The following AP1AR variants were observed in gnomAD, a reference collection of about 807,000 sequenced individuals.
AP1AR encodes the protein adaptor related protein complex 1 associated regulatory protein.
A neutral mutation model predicts 46.3 loss-of-function variants in AP1AR; 29 were observed. The ratio of observed to expected loss-of-function variants is 0.63; its 90% CI spans 0.47 to 0.85. The LOEUF (loss-of-function observed/expected upper bound fraction) is 0.85, where lower values mean the gene tolerates loss of function less well. AP1AR is among the 40% of genes least tolerant of loss of function. AP1AR has a pLI of 0.00. For synonymous variants in AP1AR, 122 were observed against 122.9 expected (o/e 0.99, Z 0.05); for missense variants, 357 against 356.3 (o/e 1.00, Z -0.02).
chr4:112,254,884 A>T, intron 3 of AP1AR, 111 bp downstream of exon 3: 7 of 530,076 alleles, frequency 1.3e-5, no homozygotes, highest in Non-Finnish European at 1.8e-5. Flanking sequence ...TAGAATTTTT[A>T]TTTTCTGGTT....
intron 8 of AP1AR, 94 bp downstream of exon 8, chr4:112,265,901 C>A: frequency 1.3e-6 from 1 of 759,358 alleles, no homozygotes; most frequent in South Asian, 2.0e-5. Flanking sequence ...ACTTTCTGTT[C>A]TTAAATTTGT....
chr4:112,253,031 T>G (rs1237106868), intron 1 of AP1AR, among the ~76,000 whole-genome samples, 177 bp from the exon 2 acceptor site: 2 of 152,160 alleles, frequency 1.3e-5, no homozygotes, highest in Non-Finnish European at 2.9e-5. Context: ...ATAATGAAGT[T>G]TAAAAATCTG....
chr4:112,253,110 T>G (rs879802078), intron 1 of AP1AR, 98 bp from the exon 2 acceptor site: 37 of 848,726 alleles, frequency 4.4e-5, no homozygotes, highest in Non-Finnish European at 6.3e-5. Context: ...TTAGAGATTT[T>G]AAAGTTGCTC....
rs768332122 is a variant in AP1AR, at chr4:112,268,155, A to G, written c.655A>G (p.Met219Val). 1.3e-6 allele frequency: 2 copies of G among 1,564,020 alleles called. No homozygotes were observed. The highest frequency in any genetic ancestry group is 1.2e-5 in the South Asian group (1 of 82,608). Residue 219 changes from methionine to valine, a missense_variant, in exon 10 of 10, where the codon ATG becomes GTG. This residue lies in a region of AP1AR where 88 missense variants were observed against 132.7 expected (regional missense o/e 0.66). Transcript: ENST00000274000. ...TGTTCAAATCATAGGAATGAATAGA[A>G]TGCTTCCAATGAGAGAACGTTCCAA... Reference protein sequence around the residue: ...EWEDEEGMNRMLPMRERSKTE... With the variant: ...EWEDEEGMNRVLPMRERSKTE...
At chr4:112,249,885 C>T (rs1725880628) in intron 1 of AP1AR, among the ~76,000 whole-genome samples, 1 of 152,122 alleles carries the variant, frequency 6.6e-6, no homozygotes, top group South Asian at 2.1e-4. Flanking sequence ...GCATGAGGTA[C>T]TTTTCTTTCA....
At chr4:112,267,008 T>C (rs1351960827) in intron 9 of AP1AR, among the ~76,000 whole-genome samples, 1 of 151,882 alleles carries the variant, frequency 6.6e-6, no homozygotes, top group Admixed American at 6.6e-5. Flanking sequence ...TACCCCCTTG[T>C]GGACAGTCCA....
At chr4:112,263,552 A>G (rs1726546106) in intron 6 of AP1AR, among the ~76,000 whole-genome samples, 1 of 151,506 alleles carries the variant, frequency 6.6e-6, no homozygotes, top group Non-Finnish European at 1.5e-5. Context: ...CCATAAAATT[A>G]TTACTTGCTT....
Position 112,253,260 on chromosome 4 carries a change from AG to A in AP1AR, c.132+5del. The A allele has an allele frequency of 6.2e-7, 1 of 1,607,314 alleles. No individual in the cohort carries two copies. The highest frequency in any genetic ancestry group is 8.5e-7 in the Non-Finnish European group (1 of 1,176,178). The stretch of plus-strand genomic sequence containing the variant: ...AGGTGAGCACTTAACAATAGAGGTA[AG>A]TAGTCCTTAATTTGATTGAATTAAA... On this transcript the variant is annotated splice_donor_5th_base_variant and intron_variant, in intron 2 of 9. Coordinates refer to ENST00000274000, the MANE Select transcript of AP1AR (RefSeq NM_018569.6).
intron 4 of AP1AR, among the ~76,000 whole-genome samples, chr4:112,259,261 G>A (rs551693998): frequency 1.3e-5 from 2 of 152,246 alleles, no homozygotes; most frequent in East Asian, 1.9e-4. Flanking sequence ...AGACTGCAGC[G>A]AGTTGACAAG....
intron 1 of AP1AR, among the ~76,000 whole-genome samples, chr4:112,238,977 T>G (rs1053062386): frequency 6.6e-6 from 1 of 152,204 alleles, no homozygotes; most frequent in Non-Finnish European, 1.5e-5. Context: ...GCCATGAAAC[T>G]AAGAACCATA....
chr4:112,264,439 T>C (rs1240402418), intron 6 of AP1AR, among the ~76,000 whole-genome samples: 1 of 152,120 alleles, frequency 6.6e-6, no homozygotes, highest in African/African-American at 2.4e-5. Context: ...CTGAGTTTGC[T>C]AGAGCAGTAA....
chr4:112,251,748 T>C (rs761036312), intron 1 of AP1AR, among the ~76,000 whole-genome samples: 1 of 152,104 alleles, frequency 6.6e-6, no homozygotes, highest in Admixed American at 6.5e-5. Context: ...AGGCACTAGA[T>C]AGAGGATTAA....
chr4:112,249,128 A>G (rs541752612), intron 1 of AP1AR, among the ~76,000 whole-genome samples: 1 of 152,036 alleles, frequency 6.6e-6, no homozygotes, highest in East Asian at 1.9e-4. Context: ...CCCTGTCTCT[A>G]CTAAAAATAC....
At chr4:112,243,711 CT>C (rs903244969) in intron 1 of AP1AR, among the ~76,000 whole-genome samples, 3 of 151,392 alleles carry the variant, frequency 2.0e-5, no homozygotes, top group African/African-American at 7.3e-5. Context: ...TTTCCAACTT[CT>C]TTTTTTTTCT....
intron 3 of AP1AR, among the ~76,000 whole-genome samples, chr4:112,255,391 A>G (rs970996204): frequency 1.3e-5 from 2 of 152,208 alleles, no homozygotes; most frequent in Non-Finnish European, 1.5e-5. Flanking sequence ...AGTAGGTAAA[A>G]TACCTAACAA....
Position 112,257,781 on chromosome 4 carries a change from C to G in AP1AR, c.169C>G (p.Pro57Ala). 6.4e-7 allele frequency: 1 copy of G among 1,562,714 alleles called. No homozygotes were observed. Among genetic ancestry groups the G allele is most frequent in the Non-Finnish European group, 8.6e-7 (1 of 1,158,606 alleles). The change falls in exon 4 of 10, where the codon CCA (proline) becomes GCA (alanine). Residue 57 changes from proline to alanine, a missense_variant. Around this residue, in one of 2 missense-constraint regions of AP1AR, gnomAD observed 269 missense variants for 223.6 expected, o/e 1.20. Transcript: ENST00000274000. ...ATTAATTTTTGTACAGGGGGAGAGC[C>G]CAGGAAGCAGTCATAGGTAAGGCTT... ...NLVESDEGESPGSSHRPLTEE... is the reference protein window; with the variant it reads ...NLVESDEGESAGSSHRPLTEE...
intron 3 of AP1AR, among the ~76,000 whole-genome samples, chr4:112,257,066 C>A (rs1417416316): frequency 6.6e-6 from 1 of 152,156 alleles, no homozygotes; most frequent in African/African-American, 2.4e-5. Context: ...CACATATTTT[C>A]CCCATAACAC....
intron 1 of AP1AR, among the ~76,000 whole-genome samples, chr4:112,238,929 C>T (rs1725365624): frequency 1.3e-5 from 2 of 152,194 alleles, no homozygotes; most frequent in East Asian, 1.9e-4. Flanking sequence ...TCTACTACTT[C>T]GTTCCCTACC....
intron 9 of AP1AR, 129 bp from the exon 10 acceptor site, chr4:112,268,015 T>G (rs556414510): frequency 1.1e-6 from 1 of 896,440 alleles, no homozygotes; most frequent in East Asian, 2.9e-5. Flanking sequence ...TCCATGGGAC[T>G]GGGTCTTTAA....
Sources: gnomAD v4.1 joint callset for allele counts (sites outside exome capture counted in the v4.1 genomes callset) on GRCh38, gnomAD v4.1.1 for gene constraint, gnomAD v4.1.1 regional missense constraint, MANE v1.5 for transcripts, NCBI Gene and HGNC (gene_info 2026-07-23, HGNC 2026-07-21) for gene names.